Variants in PDXDC1 observed in about 807,000 individuals in gnomAD.
The protein encoded by PDXDC1 is pyridoxal dependent decarboxylase domain containing 1.
Under a neutral mutation model 100.1 loss-of-function variants are expected in PDXDC1, and 42 were observed. The observed-to-expected ratio is 0.42, with a 90% CI of 0.33 to 0.54. PDXDC1 has a LOEUF of 0.54. PDXDC1 is among the 20% of genes least tolerant of loss of function. The pLI is 0.10. For missense variants in PDXDC1, 636 were observed against 979.2 expected, an observed-to-expected ratio of 0.65 and a Z score of 4.68; for synonymous variants, 260 against 371.7, an observed-to-expected ratio of 0.70 and a Z score of 3.46.
chr16:15,129,712 G>A (rs567910457), intron 16 of PDXDC1, among the ~76,000 whole-genome samples: 1 of 152,180 alleles, frequency 6.6e-6, no homozygotes, highest in African/African-American at 2.4e-5. Flanking sequence ...TAGTCCTCAG[G>A]GACAGTGAGT....
At chr16:15,078,593 G>A (rs1406648901) in intron 16 of PDXDC1, among the ~76,000 whole-genome samples, 3 of 152,010 alleles carry the variant, frequency 2.0e-5, no homozygotes, top group Admixed American at 6.6e-5. Flanking sequence ...TCCTCCTTCC[G>A]GCGGATCCTT....
chr16:15,072,877 C>A, intron 16 of PDXDC1: 1 of 1,490,296 alleles, frequency 6.7e-7, no homozygotes, highest in Non-Finnish European at 9.3e-7. Flanking sequence ...TCTCCGTCCA[C>A]CCCAGTTTTT....
chr16:15,038,671 T>C, downstream of PDXDC1: 2 of 1,574,576 alleles, frequency 1.3e-6, no homozygotes, highest in Non-Finnish European at 1.7e-6. Context: ...TGTCTCTGCA[T>C]CATAAATGCT....
chr16:15,087,001 C>T (rs779858559), intron 16 of PDXDC1, among the ~76,000 whole-genome samples: 2 of 152,056 alleles, frequency 1.3e-5, no homozygotes, highest in African/African-American at 2.4e-5. Flanking sequence ...AAATATTTTT[C>T]GGGCAATCAA....
At chr16:15,126,004 G>A (rs2047698830) in intron 16 of PDXDC1, 1 of 597,536 alleles carries the variant, frequency 1.7e-6, no homozygotes, top group East Asian at 2.8e-5. Flanking sequence ...CTTGACAGCA[G>A]ACTGGTGCAG....
rs1233101635 is a variant in PDXDC1, at chr16:15,034,558, G to C, written c.2002+5G>C. Reference sequence around the variant, plus strand: ...GAACTTTTAACTTGACAGCAGGTAGGACGGCATAGCCTCTTCCCAGGTCTT... The same window carrying C: ...GAACTTTTAACTTGACAGCAGGTAGCACGGCATAGCCTCTTCCCAGGTCTT... On this transcript the variant is annotated splice_donor_5th_base_variant and intron_variant, in intron 21 of 22. Transcript: ENST00000396410. The C allele has an allele frequency of 2.5e-6, 4 of 1,607,140 alleles. No individual in the cohort carries two copies. The highest frequency in any genetic ancestry group is 3.4e-6 in the Non-Finnish European group (4 of 1,174,150).
chr16:15,065,442 C>A, intron 16 of PDXDC1: 14 of 1,340,426 alleles, frequency 1.0e-5, no homozygotes, highest in Non-Finnish European at 1.4e-5. Context: ...ATGTGAGCTG[C>A]GTGTGACAAC....
At chr16:15,100,385 G>T (rs1356281965) in intron 16 of PDXDC1, among the ~76,000 whole-genome samples, 1 of 152,106 alleles carries the variant, frequency 6.6e-6, no homozygotes, top group South Asian at 2.1e-4. Context: ...ATATGTGTAT[G>T]TATACATACA....
At chr16:15,035,260 G>T (rs780805528) in intron 21 of PDXDC1, among the ~76,000 whole-genome samples, 189 bp from the exon 22 acceptor site, 1 of 152,194 alleles carries the variant, frequency 6.6e-6, no homozygotes, top group South Asian at 2.1e-4. Flanking sequence ...GGATGCTGGC[G>T]GTACTGGCCC....
At chr16:15,066,561 A>G (rs2044983223) in intron 16 of PDXDC1, among the ~76,000 whole-genome samples, 1 of 150,924 alleles carries the variant, frequency 6.6e-6, no homozygotes, top group Non-Finnish European at 1.5e-5. Context: ...TGAGCCTCGG[A>G]GGTGGTGGTT....
chr16:15,097,400 G>A (rs548835221), intron 16 of PDXDC1, among the ~76,000 whole-genome samples: 14 of 147,876 alleles, frequency 9.5e-5, no homozygotes, highest in South Asian at 6.3e-4. Context: ...CGAGGCAGGC[G>A]GATCACGAGG....
rs1270430401 is a variant in PDXDC1, at chr16:15,135,091, G to C, written c.1400-3788G>C. 4 of 614,584 alleles carry C rather than the reference G, an allele frequency of 6.5e-6. No individual in the cohort carries two copies. In the East Asian group the frequency reaches 1.1e-4, roughly 17 times the overall value. 38.1% of individuals were successfully genotyped at this position (614,584 alleles called of 1,614,324 possible). On this transcript the variant is annotated intron_variant, in intron 16 of 16. Coordinates refer to the PDXDC1 transcript ENST00000535621. ...CTAGAGCATATGTGGCTTGAAGACT[G>C]TATGTGGAACTGTGGCAGGTTTGGA...
At chr16:15,141,461 T>C (rs1177786104), downstream of PDXDC1, among the ~76,000 whole-genome samples, 1 of 152,198 alleles carries the variant, frequency 6.6e-6, no homozygotes, top group South Asian at 2.1e-4. Flanking sequence ...TCTCGTTCCA[T>C]CTGCGGATGG....
intron 16 of PDXDC1, among the ~76,000 whole-genome samples, chr16:15,102,843 G>A (rs1262196768): frequency 6.7e-6 from 1 of 149,840 alleles, no homozygotes; most frequent in Admixed American, 6.6e-5. Context: ...GGAGGTTGAG[G>A]TGGCAGTATC....
downstream of PDXDC1, chr16:15,041,552 C>A (rs2043816780): frequency 9.9e-6 from 10 of 1,011,128 alleles, no homozygotes; most frequent in Non-Finnish European, 1.6e-5. Context: ...GTGCTTGGGC[C>A]CACTGCAAGA....
At chr16:15,076,958 C>A (rs1291212286) in intron 16 of PDXDC1, among the ~76,000 whole-genome samples, 1 of 150,586 alleles carries the variant, frequency 6.6e-6, no homozygotes, top group African/African-American at 2.4e-5. Flanking sequence ...TATGGTCTGG[C>A]TCTGTGTCCC....
the PDXDC1 span, among the ~76,000 whole-genome samples, chr16:15,146,547 G>A: frequency 1.3e-5 from 2 of 152,148 alleles, no homozygotes; most frequent in African/African-American, 4.8e-5. Flanking sequence ...GGCACAAGCA[G>A]GAGTAGGCCG....
chr16:15,022,883 A>C, intron 13 of PDXDC1, 129 bp downstream of exon 13: 3 of 802,834 alleles, frequency 3.7e-6, no homozygotes, highest in Non-Finnish European at 5.8e-6. Flanking sequence ...CCAGTAAAAA[A>C]ACAAAACAAA....
At chr16:15,147,689 G>A in the PDXDC1 span, among the ~76,000 whole-genome samples, 2 of 152,052 alleles carry the variant, frequency 1.3e-5, no homozygotes, top group African/African-American at 4.8e-5. Flanking sequence ...ACCATGCTCA[G>A]CATTTTTTTG....
Sources: gnomAD v4.1 joint callset for allele counts (sites outside exome capture counted in the v4.1 genomes callset) on GRCh38, gnomAD v4.1.1 for gene constraint, MANE v1.5 for transcripts, NCBI Gene and HGNC (gene_info 2026-07-23, HGNC 2026-07-21) for gene names.